The following RASGRF1 variants were observed in gnomAD, a reference collection of about 807,000 sequenced individuals.
RASGRF1 encodes Ras protein specific guanine nucleotide releasing factor 1.
In RASGRF1, 40 loss-of-function variants were observed where a neutral mutation model predicts 138.7. The ratio of observed to expected loss-of-function variants is 0.29; its 90% CI spans 0.22 to 0.38. The LOEUF is 0.38. Ranked by LOEUF, RASGRF1 falls within the 10% of genes least tolerant of loss-of-function variation. RASGRF1 has a pLI of 1.00. For missense variants in RASGRF1, 1,108 were observed against 1,650.4 expected, an observed-to-expected ratio of 0.67 and a Z score of 5.69; for synonymous variants, 614 against 663.2, an observed-to-expected ratio of 0.93 and a Z score of 1.14.
At position 79,086,214 on chromosome 15, in the gene RASGRF1, C is replaced by T. The variant is rs557079026; in HGVS notation, c.276+4009G>A. Among the ~76,000 whole-genome samples the T allele has an allele frequency of 2.6e-5, 4 of 152,314 alleles. No individual in the cohort carries two copies. In the East Asian group the frequency reaches 7.7e-4, roughly 29 times the overall value. On this transcript the variant is annotated intron_variant, in intron 1 of 26. Coordinates refer to ENST00000558480, the MANE Select transcript of RASGRF1 (RefSeq NM_001145648.3). The stretch of plus-strand genomic sequence containing the variant: ...ATACCAGCGTCCCAGGGTTCTGTGT[C>T]TAAGGGCTGCTGCTTTTAGAGCAAC...
At chr15:78,980,355 A>G in intron 24 of RASGRF1, 1 of 326,760 alleles carries the variant, frequency 3.1e-6, no homozygotes, top group Non-Finnish European at 5.6e-6. Flanking sequence ...CACCACTACT[A>G]TTATCATCAC....
In RASGRF1 at chr15:78,973,865, C is replaced by T. The variant is rs913360016; in HGVS notation, c.3495-445G>A. 6.6e-6 allele frequency among the ~76,000 whole-genome samples: 1 copy of T among 152,180 alleles called. No homozygotes were observed. Among genetic ancestry groups the T allele is most frequent in the African/African-American group, 2.4e-5 (1 of 41,426 alleles). ...GCAGCCCCAGCCCCCCAACTCCTGC[C>T]AGTCACCCTATCTGACACCCTTGTC... On this transcript the variant is annotated intron_variant, in intron 24 of 26. Transcript: ENST00000558480. The surrounding 1 kb of genome is among the most constrained non-coding windows in gnomAD (Gnocchi z 4.9).
chr15:79,015,564 G>T (rs1299979893), intron 12 of RASGRF1, among the ~76,000 whole-genome samples, 155 bp from the exon 13 acceptor site: 2 of 152,200 alleles, frequency 1.3e-5, no homozygotes, highest in East Asian at 3.9e-4. Context: ...GGTCAGCGTG[G>T]CGCATCCTTT....
chr15:79,047,074 T>C, intron 4 of RASGRF1, 75 bp from the exon 5 acceptor site: 1 of 1,548,230 alleles, frequency 6.5e-7, no homozygotes, highest in Non-Finnish European at 8.7e-7. Context: ...GGCTGTGAGC[T>C]CCCCAAGGGT....
chr15:78,973,563 T>C lies in RASGRF1; in HGVS notation c.3495-143A>G. ...CAAGAATCACACTACACTCTAGAACTGACTATTCTACACGCCCAGGACTGT... is the reference window on the plus strand; with the variant it reads ...CAAGAATCACACTACACTCTAGAACCGACTATTCTACACGCCCAGGACTGT... On this transcript the variant is annotated intron_variant, in intron 24 of 26. Coordinates refer to ENST00000558480, the MANE Select transcript of RASGRF1 (RefSeq NM_001145648.3). This position sits in a 1 kb window ranked among gnomAD's most constrained non-coding sequence, Gnocchi z 4.9. 3.2e-6 allele frequency: 2 copies of C among 618,862 alleles called. No individual in the cohort carries two copies. The highest frequency in any genetic ancestry group is 5.2e-4 in the Middle Eastern group (2 of 3,842). 38.3% of individuals were successfully genotyped at this position (618,862 alleles called of 1,614,324 possible). A position where few individuals can be genotyped will look rare whatever the true frequency, so the allele number is the denominator to read the frequency against.
In RASGRF1 at chr15:79,027,872, G is replaced by T; in HGVS notation, c.1263-13C>A. On this transcript the variant is annotated splice_polypyrimidine_tract_variant and intron_variant, in intron 8 of 26. Transcript: ENST00000558480. This position sits in a 1 kb window ranked among gnomAD's most constrained non-coding sequence, Gnocchi z 4.8. ...ATCGTGCATTATTCTGTGGGGATGG[G>T]AAACTGCACAGTCAGAGACAGGCTG... 6.2e-7 allele frequency: 1 copy of T among 1,613,286 alleles called. No individual in the cohort carries two copies. Among genetic ancestry groups the T allele is most frequent in the Non-Finnish European group, 8.5e-7 (1 of 1,179,238 alleles).
At chr15:79,015,896 A>G (rs2056871887) in intron 12 of RASGRF1, among the ~76,000 whole-genome samples, 2 of 152,170 alleles carry the variant, frequency 1.3e-5, no homozygotes, top group African/African-American at 4.8e-5. Context: ...CAGTGCCAAC[A>G]CTTGGATGCT....
At chr15:79,010,675 A>G (rs1470361183) in intron 13 of RASGRF1, among the ~76,000 whole-genome samples, 3 of 152,234 alleles carry the variant, frequency 2.0e-5, no homozygotes, top group African/African-American at 7.2e-5. Context: ...CCAGGCATCA[A>G]TGACAGGCCT....
At chr15:78,991,939 A>C in intron 20 of RASGRF1, 145 bp from the exon 21 acceptor site, 1 of 641,006 alleles carries the variant, frequency 1.6e-6, no homozygotes, top group Non-Finnish European at 2.8e-6. Context: ...ATCTGATGAG[A>C]GGGTGGATGG....
chr15:78,971,746 G>A (rs2055764696), intron 26 of RASGRF1, 120 bp downstream of exon 26: 1 of 944,746 alleles, frequency 1.1e-6, no homozygotes, highest in Non-Finnish European at 1.7e-6. Context: ...TGGCATTTGA[G>A]CTGGGCTCGA....
intron 1 of RASGRF1, among the ~76,000 whole-genome samples, chr15:79,078,600 C>T (rs866805331): frequency 2.6e-5 from 4 of 152,178 alleles, no homozygotes; most frequent in African/African-American, 9.7e-5. Context: ...AGAAAGAACT[C>T]ATCCACCCTG....
At chr15:78,987,469 G>T (rs1326887905) in intron 22 of RASGRF1, among the ~76,000 whole-genome samples, 1 of 152,146 alleles carries the variant, frequency 6.6e-6, no homozygotes, top group Admixed American at 6.6e-5. Flanking sequence ...GCTGAGGCGG[G>T]TGGATCACCT....
rs1007228547 is a variant in RASGRF1 at position 78,981,976 on chromosome 15, C to T, written c.3415-1277G>A. Among the ~76,000 whole-genome samples the T allele has an allele frequency of 2.6e-5, 4 of 152,284 alleles. No individual in the cohort carries two copies. The South Asian group carries it at 6.2e-4, about 24-fold the overall frequency. On this transcript the variant is annotated intron_variant, in intron 23 of 26. Coordinates refer to ENST00000558480, the MANE Select transcript of RASGRF1 (RefSeq NM_001145648.3). ...ACCCTCCTTCCTTTTCTTCTCCATC[C>T]ACCTGCAGAGGAATGACCTGATACG...
At position 79,061,413 on chromosome 15, in the gene RASGRF1, A is replaced by ATATATATATATATATATATATATATATAT. The variant is rs1567598878; in HGVS notation, c.384-2933_384-2932insATATATATATATATATATATATATATATA. Reference sequence around the variant, plus strand: ...TAGAAAATTAGAACACTATCTTTAAAATATATATATATATATATCATTCAT... The same window carrying ATATATATATATATATATATATATATATAT: ...TAGAAAATTAGAACACTATCTTTAAATATATATATATATATATATATATATATATATATATATATATATATATCATTCAT... On this transcript the variant is annotated intron_variant, in intron 2 of 26. Coordinates refer to ENST00000558480, the MANE Select transcript of RASGRF1 (RefSeq NM_001145648.3). Among the ~76,000 whole-genome samples the ATATATATATATATATATATATATATATAT allele has an allele frequency of 3.4e-5, 4 of 117,048 alleles. 1 individual carries two copies. Among genetic ancestry groups the ATATATATATATATATATATATATATATAT allele is most frequent in the Non-Finnish European group, 5.1e-5 (3 of 58,386 alleles). The allele number at this position is 117,048 out of a possible 152,430, so 76.8% of individuals were successfully genotyped here. A position where few individuals can be genotyped will look rare whatever the true frequency, so the allele number is the denominator to read the frequency against.
intron 19 of RASGRF1, among the ~76,000 whole-genome samples, chr15:78,997,335 C>G (rs1321586806): frequency 6.6e-6 from 1 of 152,222 alleles, no homozygotes; most frequent in Non-Finnish European, 1.5e-5. Flanking sequence ...CCTGTACTGT[C>G]CAATGCAGGG....
At chr15:78,966,440 C>G (rs2055646976) in intron 26 of RASGRF1, among the ~76,000 whole-genome samples, 1 of 151,836 alleles carries the variant, frequency 6.6e-6, no homozygotes, top group African/African-American at 2.4e-5. Flanking sequence ...AGCCTTTACT[C>G]TGTTGCCTAG....
In RASGRF1 at chr15:78,970,062, T is replaced by C. The variant is rs1252198111; in HGVS notation, c.3681+1804A>G. Among the ~76,000 whole-genome samples the C allele has an allele frequency of 2.6e-5, 4 of 152,184 alleles. No individual in the cohort carries two copies. The East Asian group carries it at 5.8e-4, about 22-fold the overall frequency. On this transcript the variant is annotated intron_variant, in intron 26 of 26. Coordinates refer to ENST00000558480, the MANE Select transcript of RASGRF1 (RefSeq NM_001145648.3). The stretch of plus-strand genomic sequence containing the variant: ...TGAGTTCTCAGAATATGGCAAAAAA[T>C]TGACACATTCTCAAAAAACACATTG...
At chr15:79,078,674 C>T (rs75468834) in intron 1 of RASGRF1, among the ~76,000 whole-genome samples, 6,836 of 152,276 alleles carry the variant, frequency 0.045, 216 homozygotes, top group Non-Finnish European at 0.071. Context: ...CACTTTGTGA[C>T]CTCCTTCCTA....
intron 1 of RASGRF1, among the ~76,000 whole-genome samples, chr15:79,082,166 T>C (rs1470458631): frequency 6.6e-6 from 1 of 152,184 alleles, no homozygotes; most frequent in Non-Finnish European, 1.5e-5. Flanking sequence ...GGGGGCACAG[T>C]GCATGTGTGG....
Sources: gnomAD v4.1 joint callset for allele counts (sites outside exome capture counted in the v4.1 genomes callset) on GRCh38, gnomAD v4.1.1 for gene constraint, Gnocchi (gnomAD v3.1) non-coding constraint, MANE v1.5 for transcripts, NCBI Gene and HGNC (gene_info 2026-07-23, HGNC 2026-07-21) for gene names.